SPTA1: variants seen among roughly 807,000 people sequenced by gnomAD.
SPTA1 encodes the protein spectrin alpha chain, erythrocytic 1.
In SPTA1, 177 loss-of-function variants were observed where a neutral mutation model predicts 324.7. The ratio of observed to expected loss-of-function variants is 0.55; its 90% CI spans 0.48 to 0.62. The LOEUF (loss-of-function observed/expected upper bound fraction) is 0.62, where lower values mean the gene tolerates loss of function less well. Among genes scored for constraint, SPTA1 ranks in the 20% least tolerant of loss-of-function variants. The probability of loss-of-function intolerance (pLI) is 0.00; values close to 1 mark genes in which losing one functional copy is unlikely to be tolerated. For missense variants in SPTA1, 3,162 were observed against 2,883.6 expected (o/e 1.10, Z -2.21); for synonymous variants, 1,195 against 1,041.3 (o/e 1.15, Z -2.84).
At chr1:158,639,710 A>C in intron 34 of SPTA1, 24 bp from the exon 35 acceptor site, 2 of 1,613,586 alleles carry the variant, frequency 1.2e-6, no homozygotes, top group Non-Finnish European at 1.7e-6. Flanking sequence ...AATAAGCAAT[A>C]AAGCTGCCAG....
At position 158,669,801 on chromosome 1, in the gene SPTA1, A is replaced by G; in HGVS notation, c.1600-15T>C. The G allele has an allele frequency of 1.2e-6, 2 of 1,613,376 alleles. No individual in the cohort carries two copies. Among genetic ancestry groups the G allele is most frequent in the Non-Finnish European group, 1.7e-6 (2 of 1,179,368 alleles). On this transcript the variant is annotated splice_polypyrimidine_tract_variant and intron_variant, in intron 12 of 51. Transcript: ENST00000643759. Reference sequence around the variant, plus strand: ...TTGTCTACAGTCTGAAAAAATAAAAATAAAAATGAATGCTTTTCCTTCAGT... The same window carrying G: ...TTGTCTACAGTCTGAAAAAATAAAAGTAAAAATGAATGCTTTTCCTTCAGT...
chr1:158,620,336 T>G lies in SPTA1; in HGVS notation c.6251A>C (p.Asp2084Ala), dbSNP rs796636749. 3 of 1,614,112 alleles carry G rather than the reference T, an allele frequency of 1.9e-6. No homozygotes were observed. The highest frequency in any genetic ancestry group is 2.5e-6 in the Non-Finnish European group (3 of 1,180,030). The change falls in exon 44 of 52, where the codon GAC (aspartate) becomes GCC (alanine). Residue 2084 changes from aspartate to alanine, a missense_variant. Coordinates refer to ENST00000643759, the MANE Select transcript of SPTA1 (RefSeq NM_003126.4). ...SLNEIRQLQK[D>A]HEDFLASLAR... ...CAGGGAGGCCAAGAAGTCCTCATGG[T>G]CTTTCTGCAGCTGCCGAATTTCATT...
intron 10 of SPTA1, 129 bp from the exon 11 acceptor site, chr1:158,672,325 C>A: frequency 3.1e-6 from 3 of 958,636 alleles, no homozygotes; most frequent in East Asian, 2.7e-5. Context: ...TTTTAAGATT[C>A]CAACTTTTAA....
intron 43 of SPTA1, among the ~76,000 whole-genome samples, chr1:158,620,953 A>G (rs753853687): frequency 1.3e-5 from 2 of 151,918 alleles, no homozygotes; most frequent in Non-Finnish European, 2.9e-5. Flanking sequence ...GCTTCTGTAG[A>G]CCACACCCAG....
At chr1:158,646,619 T>C (rs897740034) in intron 27 of SPTA1, among the ~76,000 whole-genome samples, 1 of 152,146 alleles carries the variant, frequency 6.6e-6, no homozygotes, top group African/African-American at 2.4e-5. Context: ...TACTCTGAAA[T>C]ACTGAGGAGT....
intron 42 of SPTA1, among the ~76,000 whole-genome samples, 183 bp downstream of exon 42, chr1:158,625,963 C>T (rs971078272): frequency 4.6e-5 from 7 of 151,052 alleles, no homozygotes; most frequent in Admixed American, 1.3e-4. Context: ...TGATGAAAAC[C>T]CAGTAGCAAG....
chr1:158,665,518 G>T (rs7519423), intron 16 of SPTA1, among the ~76,000 whole-genome samples: 11,703 of 152,080 alleles, frequency 0.077, 1,541 homozygotes, highest in African/African-American at 0.27. Context: ...GAAATTGAAT[G>T]GGCTGGAAGT....
chr1:158,664,785 A>G (rs1458521394), intron 16 of SPTA1, among the ~76,000 whole-genome samples: 3 of 152,232 alleles, frequency 2.0e-5, no homozygotes, highest in African/African-American at 7.2e-5. Flanking sequence ...AGGATTTTCA[A>G]ACATAATCAT....
At chr1:158,665,512 T>G (rs1653530322) in intron 16 of SPTA1, among the ~76,000 whole-genome samples, 1 of 152,144 alleles carries the variant, frequency 6.6e-6, no homozygotes, top group South Asian at 2.1e-4. Flanking sequence ...GGATGAGAAA[T>G]TGAATGGGCT....
At chr1:158,661,162 G>T in intron 18 of SPTA1, 125 bp downstream of exon 18, 1 of 1,448,576 alleles carries the variant, frequency 6.9e-7, no homozygotes, top group South Asian at 1.2e-5. Context: ...AATGCCAAAA[G>T]AGCATTAAGT....
chr1:158,661,133 C>A (rs138727869), intron 18 of SPTA1, among the ~76,000 whole-genome samples, 154 bp downstream of exon 18: 3 of 152,270 alleles, frequency 2.0e-5, no homozygotes, highest in Admixed American at 1.3e-4. Context: ...CAAACAAAAC[C>A]ATATGCCCAT....
At position 158,638,209 on chromosome 1, in the gene SPTA1, T is replaced by C; in HGVS notation, c.5013A>G (p.Glu1671=). 6.2e-7 allele frequency: 1 copy of C among 1,613,416 alleles called. No individual in the cohort carries two copies. The highest frequency in any genetic ancestry group is 8.5e-7 in the Non-Finnish European group (1 of 1,179,936). The change falls in exon 36 of 52, where the codon GAA becomes GAG. Residue 1671 remains glutamate, a synonymous_variant. Transcript: ENST00000643759. ...DALKDLNTLA[E]DLLSSGTFNV... Reference sequence around the variant, plus strand: ...TGAAAGTCCCGCTGGAGAGCAAATCTTCAGCCAATGTATTCAGGTCCTTGA... The same window carrying C: ...TGAAAGTCCCGCTGGAGAGCAAATCCTCAGCCAATGTATTCAGGTCCTTGA...
chr1:158,617,586 G>A lies in SPTA1; in HGVS notation c.6551C>T (p.Ser2184Leu), dbSNP rs1396197746. ...LETRAYFLDG[S>L]LLKETGTLES... is the part of the protein sequence containing the mutation. ...CAGAGTTCCTGTTTCTTTGAGCAAT[G>A]ATCTAGTTAAGAACCGAAGGAAATC... Residue 2184 changes from serine to leucine, a missense_variant and splice_region_variant, in exon 47 of 52, where the codon TCA (serine) becomes TTA (leucine). Ser to Leu is a moderately radical substitution (Grantham distance 145, BLOSUM62 -2). Transcript: ENST00000643759. The A allele has an allele frequency of 1.2e-6, 2 of 1,612,534 alleles. No homozygotes were observed. The highest frequency in any genetic ancestry group is 1.7e-6 in the Non-Finnish European group (2 of 1,178,644).
intron 40 of SPTA1, 41 bp from the exon 41 acceptor site, chr1:158,627,048 G>C (rs1456280915): frequency 1.2e-6 from 2 of 1,610,538 alleles, no homozygotes; most frequent in Non-Finnish European, 1.7e-6. Context: ...TAATGTGCAG[G>C]GCTGGAAATG....
At position 158,677,817 on chromosome 1, in the gene SPTA1, A is replaced by G; in HGVS notation, c.830T>C (p.Ile277Thr). ...AGGTTCCTTCTCCTTGATCCACTGG[A>G]TGGCTTCAGTCACATCCCTGCAGTC... The part of the protein sequence containing the change: ...QRFKRDVTEA[I>T]QWIKEKEPVL... Residue 277 changes from isoleucine to threonine, a missense_variant, in exon 7 of 52, where the codon ATC becomes ACC. Ile to Thr is a moderately conservative substitution (Grantham distance 89). Transcript: ENST00000643759. 3.1e-6 allele frequency: 5 copies of G among 1,613,618 alleles called. No homozygotes were observed. Among genetic ancestry groups the G allele is most frequent in the Non-Finnish European group, 4.2e-6 (5 of 1,179,698 alleles).
chr1:158,666,935 C>A lies in SPTA1; in HGVS notation c.2039-438G>T, dbSNP rs58195064. Among the ~76,000 whole-genome samples the A allele has an allele frequency of 8.8e-3, 1,337 of 152,196 alleles. 19 individuals are homozygous for A. Among genetic ancestry groups the A allele is most frequent in the African/African-American group, 0.03 (1,259 of 41,526 alleles). On this transcript the variant is annotated intron_variant, in intron 15 of 51. Coordinates refer to ENST00000643759, the MANE Select transcript of SPTA1 (RefSeq NM_003126.4). ...TTATTTCACTGAACTTCGCTTTCCC[C>A]CCTTAGTGCCTGTCTTTCATCACCA... is the stretch of plus-strand genomic sequence containing the variant.
intron 16 of SPTA1, among the ~76,000 whole-genome samples, chr1:158,664,728 A>G (rs1653475450): frequency 6.6e-6 from 1 of 152,228 alleles, no homozygotes; most frequent in Non-Finnish European, 1.5e-5. Context: ...TCAGTAGCCA[A>G]CTGTTCTCAT....
At chr1:158,673,973 A>C (rs1654214414) in intron 10 of SPTA1, among the ~76,000 whole-genome samples, 1 of 152,162 alleles carries the variant, frequency 6.6e-6, no homozygotes, top group South Asian at 2.1e-4. Context: ...CTTATTCCCT[A>C]AATAATACGG....
At chr1:158,659,427 G>C (rs11265046) in intron 18 of SPTA1, among the ~76,000 whole-genome samples, 3,889 of 151,730 alleles carry the variant, frequency 0.026, 169 homozygotes, top group African/African-American at 0.088. Context: ...CTGATTAATA[G>C]TTCCCATATA....
Sources: allele counts gnomAD v4.1 joint callset (sites outside exome capture counted in the v4.1 genomes callset), GRCh38; gene constraint gnomAD v4.1.1; transcripts MANE v1.5; gene names NCBI Gene and HGNC (gene_info 2026-07-23, HGNC 2026-07-21).